Variants in MDN1 observed in about 807,000 individuals in gnomAD.
MDN1 encodes the protein midasin.
A neutral mutation model predicts 669.2 loss-of-function variants in MDN1; 266 were observed. The observed-to-expected ratio is 0.40, with a 90% CI of 0.36 to 0.44. The LOEUF is 0.44. MDN1 is among the 20% of genes least tolerant of loss of function. MDN1 has a pLI of 1.00. For synonymous variants in MDN1, 2,385 were observed against 2,457.1 expected, an observed-to-expected ratio of 0.97 and a Z score of 0.87; for missense variants, 5,940 against 6,754.0, an observed-to-expected ratio of 0.88 and a Z score of 4.22.
intron 1 of MDN1, among the ~76,000 whole-genome samples, chr6:89,806,525 TG>T (rs1479097610): frequency 6.6e-6 from 1 of 152,162 alleles, no homozygotes; most frequent in African/African-American, 2.4e-5. Flanking sequence ...GAGACCAGCC[TG>T]ACCAACATGG....
chr6:89,796,219 G>A (rs2128327618), intron 2 of MDN1, among the ~76,000 whole-genome samples: 1 of 149,686 alleles, frequency 6.7e-6, no homozygotes, highest in Admixed American at 6.7e-5. Flanking sequence ...AGCTACTCAG[G>A]AGGCTGAGGC....
At chr6:89,752,533 T>A (rs1817009062) in intron 22 of MDN1, among the ~76,000 whole-genome samples, 1 of 152,216 alleles carries the variant, frequency 6.6e-6, no homozygotes, top group South Asian at 2.1e-4. Flanking sequence ...ATGTTGATTG[T>A]GAGCAAGTTT....
chr6:89,790,351 A>G lies in MDN1; in HGVS notation c.906T>C (p.Tyr302=). ...TTTTGCAGACAGACTCAACCAGCACATAAGACCTAAGGGCCAGCTCCTGTT... is the reference window on the plus strand; with the variant it reads ...TTTTGCAGACAGACTCAACCAGCACGTAAGACCTAAGGGCCAGCTCCTGTT... ...SREQELALRS[Y]VLVESVCKSL... is the part of the protein sequence containing the mutation. Residue 302 remains tyrosine, a synonymous_variant, in exon 6 of 102, where the codon TAT becomes TAC. Transcript: ENST00000369393. 6.2e-7 allele frequency: 1 copy of G among 1,614,156 alleles called. No individual in the cohort carries two copies. The highest frequency in any genetic ancestry group is 8.5e-7 in the Non-Finnish European group (1 of 1,180,030).
At chr6:89,662,056 A>C in intron 87 of MDN1, 31 bp downstream of exon 87, 1 of 1,596,052 alleles carries the variant, frequency 6.3e-7, no homozygotes, top group East Asian at 2.2e-5. Flanking sequence ...CCTTGAGTCA[A>C]GAGAGCGGAT....
intron 25 of MDN1, 67 bp downstream of exon 25, chr6:89,749,476 T>C: frequency 1.9e-6 from 3 of 1,595,764 alleles, no homozygotes; most frequent in Non-Finnish European, 2.6e-6. Context: ...AACATTTCAT[T>C]CTTACTACGA....
intron 9 of MDN1, 67 bp downstream of exon 9, chr6:89,784,945 C>T (rs1818872472): frequency 1.9e-6 from 2 of 1,034,372 alleles, no homozygotes; most frequent in East Asian, 4.8e-5. Flanking sequence ...GTTTATTATA[C>T]TATTTCCTAT....
At chr6:89,654,822 T>C (rs1396768452) in intron 92 of MDN1, among the ~76,000 whole-genome samples, 1 of 152,188 alleles carries the variant, frequency 6.6e-6, no homozygotes, top group Non-Finnish European at 1.5e-5. Flanking sequence ...TATACATGTA[T>C]CAAAACCTCA....
chr6:89,786,650 C>G (rs191508060), intron 8 of MDN1, among the ~76,000 whole-genome samples: 7 of 151,722 alleles, frequency 4.6e-5, no homozygotes, highest in African/African-American at 1.7e-4. Context: ...AGGATTGGGC[C>G]GGGCACGGTG....
In MDN1 at chr6:89,645,079, A is replaced by T. The variant is rs139560681; in HGVS notation, c.16538T>A (p.Val5513Asp). 6.0e-5 allele frequency: 97 copies of T among 1,612,280 alleles called. No individual in the cohort carries two copies. The African/African-American group carries it at 9.2e-4, about 15-fold the overall frequency. Residue 5513 changes from valine to aspartate, a missense_variant, in exon 101 of 102, where the codon GTT becomes GAT. Val to Asp is a radical substitution (Grantham distance 152). Transcript: ENST00000369393. ...LEGKERVLAAVQAARNANIFV... is the reference protein window; with the variant it reads ...LEGKERVLAADQAARNANIFV... ...GATATTTGCATTCCGGGCAGCCTGA[A>T]CTGCTGCCAGGACTCTTTCTTTGCC...
At chr6:89,688,536 A>C (rs1812171855) in intron 66 of MDN1, 37 bp downstream of exon 66, 11 of 1,579,024 alleles carry the variant, frequency 7.0e-6, no homozygotes, top group Non-Finnish European at 9.5e-6. Flanking sequence ...TTGCAGACTC[A>C]GTACTGTGAG....
chr6:89,811,618 G>A (rs1768423917), intron 1 of MDN1, among the ~76,000 whole-genome samples: 1 of 151,890 alleles, frequency 6.6e-6, no homozygotes, highest in African/African-American at 2.4e-5. Context: ...GCTAATTTTT[G>A]TATTTTTAGT....
intron 53 of MDN1, among the ~76,000 whole-genome samples, chr6:89,703,295 C>T (rs1342785111): frequency 6.6e-6 from 1 of 150,408 alleles, no homozygotes; most frequent in African/African-American, 2.4e-5. Flanking sequence ...ACTGAATAGA[C>T]CATTTTTTGC....
chr6:89,738,806 ATACTT>A (rs1307431035), intron 32 of MDN1, among the ~76,000 whole-genome samples: 3 of 152,188 alleles, frequency 2.0e-5, no homozygotes, highest in African/African-American at 7.2e-5. Flanking sequence ...TACCTAAATA[ATACTT>A]CAGAGAAAAT....
chr6:89,713,052 T>A, intron 47 of MDN1, 96 bp downstream of exon 47: 1 of 1,370,516 alleles, frequency 7.3e-7, no homozygotes, highest in Non-Finnish European at 9.9e-7. Flanking sequence ...GTCAACTCTC[T>A]TAGGTCACTG....
chr6:89,659,032 T>A, intron 88 of MDN1, 115 bp from the exon 89 acceptor site: 2 of 1,053,132 alleles, frequency 1.9e-6, no homozygotes, highest in Non-Finnish European at 2.7e-6. Flanking sequence ...AACCAGCGAG[T>A]GGCAAATTGT....
Position 89,707,341 on chromosome 6 carries a change from C to T in MDN1, c.8014+20G>A. 6.6e-7 allele frequency: 1 copy of T among 1,516,174 alleles called. No individual in the cohort carries two copies. The highest frequency in any genetic ancestry group is 9.2e-7 in the Non-Finnish European group (1 of 1,091,366). The allele number at this position is 1,516,174 out of a possible 1,614,324, so 93.9% of individuals were successfully genotyped here. A position where few individuals can be genotyped will look rare whatever the true frequency, so the allele number is the denominator to read the frequency against. Reference sequence around the variant, plus strand: ...CAATCAGATGCTTAATTAGAGAACACAAAAGGTAAATGTTCTTACCTTGAT... The same window carrying T: ...CAATCAGATGCTTAATTAGAGAACATAAAAGGTAAATGTTCTTACCTTGAT... On this transcript the variant is annotated intron_variant, in intron 52 of 101. Coordinates refer to ENST00000369393, the MANE Select transcript of MDN1 (RefSeq NM_014611.3).
At chr6:89,677,847 C>T (rs1001370410) in intron 75 of MDN1, 151 bp from the exon 76 acceptor site, 16 of 982,068 alleles carry the variant, frequency 1.6e-5, no homozygotes, top group Middle Eastern at 2.3e-4. Flanking sequence ...CCCACACCAA[C>T]TGAAACAGGA....
In MDN1 at chr6:89,794,698, G is replaced by C; in HGVS notation, c.433C>G (p.Leu145Val). The stretch of plus-strand genomic sequence containing the variant: ...AAGGCTGCTTCCATTAGGTCCCGGA[G>C]CTTCATCCTCCTACGTCCATAGCGT... The part of the protein sequence containing the change: ...PVRYGRRRMK[L>V]RDLMEAAFKF... The change falls in exon 3 of 102, where the codon CTC becomes GTC. Residue 145 changes from leucine (L) to valine (V), a missense_variant. Transcript: ENST00000369393. 1 of 1,614,190 alleles carries C rather than the reference G, an allele frequency of 6.2e-7. No individual in the cohort carries two copies. Among genetic ancestry groups the C allele is most frequent in the Non-Finnish European group, 8.5e-7 (1 of 1,180,038 alleles).
At chr6:89,708,389 G>C (rs1813661998) in intron 51 of MDN1, 107 bp downstream of exon 51, 1 of 1,371,932 alleles carries the variant, frequency 7.3e-7, no homozygotes, top group Non-Finnish European at 1.0e-6. Context: ...CAACTTCTCA[G>C]GTTCACAAAA....
Sources: allele counts gnomAD v4.1 joint callset (sites outside exome capture counted in the v4.1 genomes callset), GRCh38; gene constraint gnomAD v4.1.1; transcripts MANE v1.5; gene names NCBI Gene and HGNC (gene_info 2026-07-23, HGNC 2026-07-21).